Variants in FAM135B observed in about 807,000 individuals in gnomAD.
FAM135B encodes protein FAM135B.
FAM135B carries 43 observed loss-of-function variants against 127.7 expected under a neutral mutation model. That is an observed-to-expected ratio of 0.34 (90% CI 0.26 to 0.43). The LOEUF is 0.43. Ranked by LOEUF, FAM135B falls within the 20% of genes least tolerant of loss-of-function variation. The probability of loss-of-function intolerance (pLI) is 1.00; values close to 1 mark genes in which losing one functional copy is unlikely to be tolerated. For synonymous variants in FAM135B, 670 were observed against 665.1 expected, an observed-to-expected ratio of 1.01 and a Z score of -0.11; for missense variants, 1,558 against 1,725.6, an observed-to-expected ratio of 0.90 and a Z score of 1.72.
intron 12 of FAM135B, among the ~76,000 whole-genome samples, chr8:138,163,244 G>A (rs901988956): frequency 1.3e-5 from 2 of 152,088 alleles, no homozygotes; most frequent in Admixed American, 6.5e-5. Flanking sequence ...ATTGTTAGGG[G>A]GAAAGACTCA....
intron 2 of FAM135B, among the ~76,000 whole-genome samples, chr8:138,317,283 C>A (rs1276163467): frequency 2.0e-5 from 3 of 152,130 alleles, no homozygotes; most frequent in African/African-American, 7.2e-5. Context: ...TTTCCATTTA[C>A]ATGGCAAGTT....
chr8:138,141,295 G>C lies in FAM135B; in HGVS notation c.3693C>G (p.Pro1231=), dbSNP rs746321792. 1 of 1,614,138 alleles carries C rather than the reference G, an allele frequency of 6.2e-7. No homozygotes were observed. The highest frequency in any genetic ancestry group is 1.1e-5 in the South Asian group (1 of 91,080). Reference sequence around the variant, plus strand: ...GTTTGTTGAGGTAATACCGGAACCGGGGCCGTGTGAGGACCGATCGGATGA... The same window carrying C: ...GTTTGTTGAGGTAATACCGGAACCGCGGCCGTGTGAGGACCGATCGGATGA... The part of the protein sequence containing the change: ...NIIIRSVLTR[P]RFRYYLNKLH... The change falls in exon 17 of 20, where the codon CCC becomes CCG. Residue 1231 remains proline, a synonymous_variant. Coordinates refer to ENST00000395297, the MANE Select transcript of FAM135B (RefSeq NM_015912.4). The surrounding 1 kb of genome is among the most constrained non-coding windows in gnomAD (Gnocchi z 4.7).
chr8:138,442,375 G>T (rs1431174305), intron 1 of FAM135B, among the ~76,000 whole-genome samples: 1 of 150,170 alleles, frequency 6.7e-6, no homozygotes, highest in African/African-American at 2.4e-5. Flanking sequence ...TGTTCAACAT[G>T]AAACATTTAA....
Position 138,242,891 on chromosome 8 carries a change from T to G in FAM135B, c.669+51A>C, listed in dbSNP as rs372085022. 14 of 1,582,412 alleles carry G rather than the reference T, an allele frequency of 8.8e-6. No individual in the cohort carries two copies. In the African/African-American group the frequency reaches 1.9e-4, roughly 22 times the overall value. The stretch of plus-strand genomic sequence containing the variant: ...CATGAATCTCATAGAACATACACTC[T>G]GCAAAGTAAAGTTTGAAAGTTTTGA... On this transcript the variant is annotated intron_variant, in intron 7 of 19. Coordinates refer to ENST00000395297, the MANE Select transcript of FAM135B (RefSeq NM_015912.4). This position sits in a 1 kb window ranked among gnomAD's most constrained non-coding sequence, Gnocchi z 9.6.
chr8:138,164,336 T>A (rs889703687), intron 12 of FAM135B, among the ~76,000 whole-genome samples: 1 of 151,968 alleles, frequency 6.6e-6, no homozygotes, highest in African/African-American at 2.4e-5. Context: ...CCTCTGAGAG[T>A]GACTGCCTTT....
chr8:138,243,194 C>A lies in FAM135B; in HGVS notation c.543-126G>T. 9.0e-7 allele frequency: 1 copy of A among 1,105,342 alleles called. No homozygotes were observed. Among genetic ancestry groups the A allele is most frequent in the Non-Finnish European group, 1.2e-6 (1 of 804,332 alleles). The allele number at this position is 1,105,342 out of a possible 1,614,324, so 68.5% of individuals were successfully genotyped here. On this transcript the variant is annotated intron_variant, in intron 6 of 19. Transcript: ENST00000395297. The surrounding 1 kb of genome is among the most constrained non-coding windows in gnomAD (Gnocchi z 7.5). ...TAAGTCATTTAGGAGTAGTTCACCC[C>A]CTAGGGAGTGTTTGCATGTGACATT... is the stretch of plus-strand genomic sequence containing the variant.
At chr8:138,246,040 G>A (rs186531711) in intron 6 of FAM135B, among the ~76,000 whole-genome samples, 215 of 152,308 alleles carry the variant, frequency 1.4e-3, no homozygotes, top group African/African-American at 5.0e-3. Context: ...CCCTTCCCTA[G>A]AGATCTGTGG....
At chr8:138,232,575 T>TGA (rs1819982839) in intron 7 of FAM135B, among the ~76,000 whole-genome samples, 4 of 152,222 alleles carry the variant, frequency 2.6e-5, no homozygotes, top group Non-Finnish European at 5.9e-5. Context: ...GTATTTATCT[T>TGA]GCAGGATTTT....
intron 2 of FAM135B, among the ~76,000 whole-genome samples, chr8:138,338,745 C>T (rs1406737453): frequency 2.0e-5 from 3 of 152,080 alleles, no homozygotes; most frequent in African/African-American, 4.8e-5. Context: ...TTTGACTCAG[C>T]CATCCCACTA....
At chr8:138,349,488 T>G (rs1193473554) in intron 2 of FAM135B, among the ~76,000 whole-genome samples, 1 of 152,218 alleles carries the variant, frequency 6.6e-6, no homozygotes, top group Non-Finnish European at 1.5e-5. Flanking sequence ...ATAAAATGTC[T>G]AGCACAATCC....
intron 1 of FAM135B, among the ~76,000 whole-genome samples, chr8:138,475,584 C>T (rs767420579): frequency 3.9e-5 from 6 of 152,252 alleles, no homozygotes; most frequent in African/African-American, 4.8e-5. Flanking sequence ...TCTATCACCA[C>T]GATCTGTCAA....
At position 138,234,785 on chromosome 8, in the gene FAM135B, T is replaced by G. The variant is rs142381442; in HGVS notation, c.669+8157A>C. Among the ~76,000 whole-genome samples the G allele has an allele frequency of 1.6e-3, 251 of 152,302 alleles. 1 individual carries two copies. Among genetic ancestry groups the G allele is most frequent in the African/African-American group, 5.4e-3 (226 of 41,564 alleles). On this transcript the variant is annotated intron_variant, in intron 7 of 19. Coordinates refer to ENST00000395297, the MANE Select transcript of FAM135B (RefSeq NM_015912.4). ...AGTAAAGCCTGGGGCCAGAGAGGAC[T>G]CAGTTCTAGGTTCACATCTTCAAGC...
chr8:138,164,226 T>A (rs757649795), intron 12 of FAM135B, among the ~76,000 whole-genome samples: 3 of 151,988 alleles, frequency 2.0e-5, no homozygotes, highest in Admixed American at 2.0e-4. Context: ...AAGCTTCCAG[T>A]ATGGAGAAGG....
chr8:138,451,387 G>A (rs755907562), intron 1 of FAM135B, among the ~76,000 whole-genome samples: 6 of 152,122 alleles, frequency 3.9e-5, no homozygotes, highest in Non-Finnish European at 7.3e-5. Context: ...TTTAGCAAAG[G>A]GCAGTTACTT....
Position 138,285,134 on chromosome 8 carries a change from A to ATTTTTTTT in FAM135B, c.158-19300_158-19293dup, listed in dbSNP as rs386414180. The stretch of plus-strand genomic sequence containing the variant: ...TGGAAAACATATATTGGCTCTACTA[A>ATTTTTTTT]TTTTTTTTTTTTTTTTTTTTTTTTT... On this transcript the variant is annotated intron_variant, in intron 3 of 19. Coordinates refer to ENST00000395297, the MANE Select transcript of FAM135B (RefSeq NM_015912.4). Among the ~76,000 whole-genome samples the ATTTTTTTT allele has an allele frequency of 2.8e-3, 154 of 54,790 alleles. 12 individuals are homozygous for ATTTTTTTT. The highest frequency in any genetic ancestry group is 3.5e-3 in the African/African-American group (50 of 14,120). 35.9% of individuals were successfully genotyped at this position (54,790 alleles called of 152,430 possible).
At chr8:138,159,034 A>T (rs531707124) in intron 12 of FAM135B, among the ~76,000 whole-genome samples, 35 of 151,674 alleles carry the variant, frequency 2.3e-4, no homozygotes, top group Non-Finnish European at 4.0e-4. Flanking sequence ...GCACTTTGGG[A>T]GGCCGAGGCG....
chr8:138,139,743 G>A (rs1816966207), intron 17 of FAM135B, among the ~76,000 whole-genome samples: 1 of 152,172 alleles, frequency 6.6e-6, no homozygotes, highest in South Asian at 2.1e-4. Context: ...TCCAGCCTGG[G>A]CGACAAAAGC....
At chr8:138,150,866 G>C (rs1418351721) in intron 13 of FAM135B, among the ~76,000 whole-genome samples, 2 of 151,910 alleles carry the variant, frequency 1.3e-5, no homozygotes, top group African/African-American at 2.4e-5. Flanking sequence ...ATTTACAATT[G>C]CCATTTGTAC....
chr8:138,287,330 T>A (rs575552423), intron 3 of FAM135B, among the ~76,000 whole-genome samples: 2 of 152,142 alleles, frequency 1.3e-5, no homozygotes, highest in African/African-American at 4.8e-5. Context: ...ATTAGGGAAA[T>A]GTAAACTAAA....
Sources: gnomAD v4.1 joint callset for allele counts (sites outside exome capture counted in the v4.1 genomes callset) on GRCh38, gnomAD v4.1.1 for gene constraint, Gnocchi (gnomAD v3.1) non-coding constraint, MANE v1.5 for transcripts, NCBI Gene and HGNC (gene_info 2026-07-23, HGNC 2026-07-21) for gene names.